Variants in FRAS1 observed in about 807,000 individuals in gnomAD.
FRAS1 encodes extracellular matrix organizing protein FRAS1.
FRAS1 carries 290 observed loss-of-function variants against 435.2 expected under a neutral mutation model. The ratio of observed to expected loss-of-function variants is 0.67; its 90% confidence interval spans 0.61 to 0.73. The LOEUF (loss-of-function observed/expected upper bound fraction) is 0.73, where lower values mean the gene tolerates loss of function less well. Ranked by LOEUF, FRAS1 falls within the 30% of genes least tolerant of loss-of-function variation. The probability of loss-of-function intolerance (pLI) is 0.00; values close to 1 mark genes in which losing one functional copy is unlikely to be tolerated. For synonymous variants in FRAS1, 1,800 were observed against 1,851.0 expected (o/e 0.97, Z 0.71); for missense variants, 4,860 against 5,001.5 (o/e 0.97, Z 0.85).
At chr4:78,278,779 A>G in intron 10 of FRAS1, 35 bp downstream of exon 10, 1 of 1,206,422 alleles carries the variant, frequency 8.3e-7, no homozygotes. Flanking sequence ...GATGATTTCA[A>G]ATTAATTCAA....
intron 59 of FRAS1, among the ~76,000 whole-genome samples, 196 bp downstream of exon 59, chr4:78,489,276 C>T (rs1002252393): frequency 3.3e-5 from 5 of 152,194 alleles, no homozygotes; most frequent in Admixed American, 6.6e-5. Context: ...TCACACAAAA[C>T]TTAACTACTA....
intron 2 of FRAS1, among the ~76,000 whole-genome samples, chr4:78,101,814 A>C (rs1742147174): frequency 6.6e-6 from 1 of 152,250 alleles, no homozygotes; most frequent in African/African-American, 2.4e-5. Flanking sequence ...CATGAAGAGC[A>C]CTAAATGAGG....
chr4:78,199,772 C>T (rs1475644272), intron 2 of FRAS1, among the ~76,000 whole-genome samples: 2 of 152,000 alleles, frequency 1.3e-5, no homozygotes, highest in Non-Finnish European at 2.9e-5. Flanking sequence ...AATGATGGGC[C>T]GTGTGTAACC....
At chr4:78,489,109 G>C (rs918643419) in intron 59 of FRAS1, 29 bp downstream of exon 59, 3 of 1,583,914 alleles carry the variant, frequency 1.9e-6, no homozygotes, top group Non-Finnish European at 2.6e-6. Flanking sequence ...GCTGAAAGAT[G>C]AGATTCTCTT....
chr4:78,347,754 T>C (rs2110280102), intron 20 of FRAS1, among the ~76,000 whole-genome samples: 1 of 150,896 alleles, frequency 6.6e-6, no homozygotes, highest in East Asian at 1.9e-4. Context: ...GATGTGTATG[T>C]GTGTGTGTGT....
intron 2 of FRAS1, among the ~76,000 whole-genome samples, chr4:78,180,465 A>ATT (rs908682153): frequency 6.6e-6 from 1 of 152,234 alleles, no homozygotes; most frequent in African/African-American, 2.4e-5. Context: ...ATTTAAAACC[A>ATT]GTTTGTAATT....
intron 65 of FRAS1, among the ~76,000 whole-genome samples, chr4:78,514,513 A>C (rs1223106364): frequency 6.6e-6 from 1 of 152,224 alleles, no homozygotes; most frequent in Non-Finnish European, 1.5e-5. Context: ...ATACAGTAGA[A>C]ATTAGCTGAG....
At chr4:78,302,885 A>G (rs1472766135) in intron 14 of FRAS1, among the ~76,000 whole-genome samples, 3 of 151,924 alleles carry the variant, frequency 2.0e-5, no homozygotes, top group Non-Finnish European at 4.4e-5. Context: ...GTCAACTTTG[A>G]CTTTTGTTGC....
intron 29 of FRAS1, among the ~76,000 whole-genome samples, chr4:78,397,952 T>C (rs1457674098): frequency 6.6e-6 from 1 of 151,756 alleles, no homozygotes; most frequent in Non-Finnish European, 1.5e-5. Context: ...CTTCAATGCA[T>C]CTATTGTTGA....
intron 14 of FRAS1, among the ~76,000 whole-genome samples, chr4:78,307,591 G>A (rs926828128): frequency 9.2e-5 from 14 of 152,362 alleles, no homozygotes; most frequent in Admixed American, 4.6e-4. Context: ...GAAAAGCGCA[G>A]TATTCGGGTG....
chr4:78,460,248 GA>G (rs766201871), intron 47 of FRAS1, among the ~76,000 whole-genome samples: 1 of 152,182 alleles, frequency 6.6e-6, no homozygotes, highest in Non-Finnish European at 1.5e-5. Context: ...CCCTGACCTG[GA>G]CTGTGCTTTC....
intron 2 of FRAS1, among the ~76,000 whole-genome samples, chr4:78,109,545 A>G (rs1742588011): frequency 7.1e-6 from 1 of 141,376 alleles, no homozygotes. Context: ...GACAAAATTC[A>G]ACAACCCTTC....
At chr4:78,181,795 G>T in intron 2 of FRAS1, 1 of 1,612,008 alleles carries the variant, frequency 6.2e-7, no homozygotes, top group African/African-American at 1.3e-5. Context: ...CGCCAACGCT[G>T]CGGGGCAGCG....
At chr4:78,217,436 G>C (rs1723818271) in intron 2 of FRAS1, among the ~76,000 whole-genome samples, 1 of 152,114 alleles carries the variant, frequency 6.6e-6, no homozygotes, top group South Asian at 2.1e-4. Flanking sequence ...GTCTGGAAGA[G>C]GACTGTTCTG....
At chr4:78,145,557 CTG>C (rs1156457449) in intron 2 of FRAS1, among the ~76,000 whole-genome samples, 18 of 152,178 alleles carry the variant, frequency 1.2e-4, no homozygotes, top group Admixed American at 1.2e-3. Flanking sequence ...GAGAACCTAA[CTG>C]AGCTATGAGA....
chr4:78,262,319 A>T lies in FRAS1; in HGVS notation c.604-2706A>T, dbSNP rs1578213494. Among the ~76,000 whole-genome samples, 6 of 151,990 alleles carry T rather than the reference A, an allele frequency of 3.9e-5. No homozygotes were observed. In the South Asian group the frequency reaches 1.2e-3, roughly 32 times the overall value. ...TCCCCAGCACACATACTTCCCACTCATGTTTTATTGTTTGACATCATGGGC... is the reference window on the plus strand; with the variant it reads ...TCCCCAGCACACATACTTCCCACTCTTGTTTTATTGTTTGACATCATGGGC... On this transcript the variant is annotated intron_variant, in intron 6 of 73. Coordinates refer to ENST00000512123, the MANE Select transcript of FRAS1 (RefSeq NM_025074.7).
intron 12 of FRAS1, among the ~76,000 whole-genome samples, chr4:78,283,727 G>A (rs1727440844): frequency 6.6e-6 from 1 of 152,176 alleles, no homozygotes; most frequent in Non-Finnish European, 1.5e-5. Context: ...CAAGGAAAAA[G>A]CAAAGCAACT....
intron 59 of FRAS1, 32 bp downstream of exon 59, chr4:78,489,112 A>G (rs758533034): frequency 6.3e-7 from 1 of 1,577,488 alleles, no homozygotes; most frequent in South Asian, 1.1e-5. Context: ...GAAAGATGAG[A>G]TTCTCTTATT....
At chr4:78,201,318 T>C (rs976362158) in intron 2 of FRAS1, among the ~76,000 whole-genome samples, 1 of 152,234 alleles carries the variant, frequency 6.6e-6, no homozygotes, top group East Asian at 1.9e-4. Context: ...CATGAAGTTT[T>C]TGATGAATTA....
Sources: gnomAD v4.1 joint callset for allele counts (sites outside exome capture counted in the v4.1 genomes callset) on GRCh38, gnomAD v4.1.1 for gene constraint, MANE v1.5 for transcripts, NCBI Gene and HGNC (gene_info 2026-07-23, HGNC 2026-07-21) for gene names.